VARS2: variants seen among roughly 807,000 people sequenced by gnomAD.
VARS2 encodes the protein valine--tRNA ligase, mitochondrial.
A neutral mutation model predicts 154.1 loss-of-function variants in VARS2; 105 were observed. That is an observed-to-expected ratio of 0.68 (90% CI 0.58 to 0.80). The LOEUF (loss-of-function observed/expected upper bound fraction) is 0.80, where lower values mean the gene tolerates loss of function less well. Among genes scored for constraint, VARS2 ranks in the 30% least tolerant of loss-of-function variants. The pLI is 0.00. For missense variants in VARS2, 1,157 were observed against 1,361.4 expected (o/e 0.85, Z 2.36); for synonymous variants, 483 against 539.5 (o/e 0.90, Z 1.45).
At position 30,922,560 on chromosome 6, in the gene VARS2, G is replaced by A. The variant is rs1794590645; in HGVS notation, c.2037+6G>A. On this transcript the variant is annotated splice_donor_region_variant and intron_variant, in intron 21 of 29. Transcript: ENST00000676266. ...TCAGTGGGGTGGAGATGCAGGTGAG[G>A]ACGAAGCACCCACTAGAGGGACAAG... 14 of 1,558,264 alleles carry A rather than the reference G, an allele frequency of 9.0e-6. No individual in the cohort carries two copies. The highest frequency in any genetic ancestry group is 1.2e-5 in the Non-Finnish European group (14 of 1,152,300).
At chr6:30,925,191 A>G in intron 26 of VARS2, 83 bp from the exon 27 acceptor site, 1 of 950,154 alleles carries the variant, frequency 1.1e-6, no homozygotes. Context: ...GATGGGGTGG[A>G]TGGGTCGAGA....
Position 30,914,950 on chromosome 6 carries a change from C to T in VARS2, c.114C>T (p.Pro38=). ...CACAGTCGGAGCCCCATGGATCTCC[C>T]ATCTCCCGGAGGAACCGTGAAGCCA... ...VSTQSEPHGS[P]ISRRNREAKQ... Residue 38 remains proline, a synonymous_variant, in exon 2 of 30, where the codon CCC becomes CCT. Coordinates refer to ENST00000676266, the MANE Select transcript of VARS2 (RefSeq NM_020442.6). 2 of 1,613,092 alleles carry T rather than the reference C, an allele frequency of 1.2e-6. No homozygotes were observed. The highest frequency in any genetic ancestry group is 1.7e-6 in the Non-Finnish European group (2 of 1,180,038).
At chr6:30,924,295 C>T in intron 25 of VARS2, 59 bp from the exon 26 acceptor site, 3 of 1,579,570 alleles carry the variant, frequency 1.9e-6, no homozygotes, top group Non-Finnish European at 2.6e-6. Context: ...GTAGCAGTGG[C>T]TGTAGGGAGG....
intron 25 of VARS2, chr6:30,923,837 C>A (rs978728110): frequency 1.1e-4 from 44 of 413,730 alleles, no homozygotes; most frequent in African/African-American, 6.4e-4. Flanking sequence ...CTGAGAGAGG[C>A]CTGGGAGGGA....
rs992852535 is a variant in VARS2 at position 30,922,367 on chromosome 6, C to G, written c.1933-83C>G. 3 of 1,604,372 alleles carry G rather than the reference C, an allele frequency of 1.9e-6. No homozygotes were observed. In the African/African-American group the frequency reaches 4.0e-5, roughly 21 times the overall value. On this transcript the variant is annotated intron_variant, in intron 20 of 29. Transcript: ENST00000676266. ...TTCCTTTTTCCTAATTCACTTCCTA[C>G]CCTACCCCCAAAAGTATGGAGGCCA...
Position 30,923,339 on chromosome 6 carries a change from C to T in VARS2, c.2314-14C>T, listed in dbSNP as rs750447916. On this transcript the variant is annotated splice_polypyrimidine_tract_variant and intron_variant, in intron 24 of 29. Coordinates refer to ENST00000676266, the MANE Select transcript of VARS2 (RefSeq NM_020442.6). ...GGAGGGGGAGTCAGGCCATCCTGCC[C>T]CCTCTGCCTGCAGCTGTCTCCCTCC... 6.2e-7 allele frequency: 1 copy of T among 1,607,838 alleles called. No individual in the cohort carries two copies. Among genetic ancestry groups the T allele is most frequent in the South Asian group, 1.1e-5 (1 of 90,894 alleles).
At chr6:30,925,195 G>A in intron 26 of VARS2, 79 bp from the exon 27 acceptor site, 1 of 1,057,452 alleles carries the variant, frequency 9.5e-7, no homozygotes, top group South Asian at 1.5e-5. Flanking sequence ...GGGTGGATGG[G>A]TCGAGAAGAG....
Position 30,920,617 on chromosome 6 carries a change from G to A in VARS2, c.1398-51G>A. 4.1e-6 allele frequency: 6 copies of A among 1,461,856 alleles called. No individual in the cohort carries two copies. Among genetic ancestry groups the A allele is most frequent in the Non-Finnish European group, 5.5e-6 (6 of 1,085,988 alleles). 90.6% of individuals were successfully genotyped at this position (1,461,856 alleles called of 1,614,324 possible). ...ATGGCATGGGGTCTTGTGCCCCTGG[G>A]AGAAGTCACAGGGCCGGAAGAGCAG... On this transcript the variant is annotated intron_variant, in intron 14 of 29. Coordinates refer to ENST00000676266, the MANE Select transcript of VARS2 (RefSeq NM_020442.6). This position sits in a 1 kb window ranked among gnomAD's most constrained non-coding sequence, Gnocchi z 4.6.
chr6:30,916,513 T>C lies in VARS2; in HGVS notation c.671+264T>C, dbSNP rs995349052. On this transcript the variant is annotated intron_variant, in intron 7 of 29. Transcript: ENST00000676266. The surrounding 1 kb of genome is among the most constrained non-coding windows in gnomAD (Gnocchi z 4.0). The stretch of plus-strand genomic sequence containing the variant: ...ATATATATATTTTCTTTCTCTTTAC[T>C]TACCCCAATTTCTCTTGTCTAAATC... 1.2e-5 allele frequency: 4 copies of C among 329,024 alleles called. No homozygotes were observed. The highest frequency in any genetic ancestry group is 2.1e-5 in the Non-Finnish European group (4 of 188,088). 20.4% of individuals were successfully genotyped at this position (329,024 alleles called of 1,614,324 possible).
rs1184471489 is a variant in VARS2, at chr6:30,916,337, T to G, written c.671+88T>G. The stretch of plus-strand genomic sequence containing the variant: ...ACTATCACTCCTGACTTGTAATCCT[T>G]GGCTCTTCCCGACACAGCTCTGACT... On this transcript the variant is annotated intron_variant, in intron 7 of 29. Transcript: ENST00000676266. The surrounding 1 kb of genome is among the most constrained non-coding windows in gnomAD (Gnocchi z 4.0). The G allele has an allele frequency of 1.9e-5, 22 of 1,150,326 alleles. No homozygotes were observed. In the South Asian group the frequency reaches 3.5e-4, roughly 18 times the overall value. The allele number at this position is 1,150,326 out of a possible 1,614,324, so 71.3% of individuals were successfully genotyped here.
chr6:30,916,309 A>G lies in VARS2; in HGVS notation c.671+60A>G. On this transcript the variant is annotated intron_variant, in intron 7 of 29. Coordinates refer to ENST00000676266, the MANE Select transcript of VARS2 (RefSeq NM_020442.6). The surrounding 1 kb of genome is among the most constrained non-coding windows in gnomAD (Gnocchi z 4.0). Reference sequence around the variant, plus strand: ...TGGCAGATTTGGTTTCTTGCCTCCCACCACTATCACTCCTGACTTGTAATC... The same window carrying G: ...TGGCAGATTTGGTTTCTTGCCTCCCGCCACTATCACTCCTGACTTGTAATC... The G allele has an allele frequency of 7.3e-7, 1 of 1,378,330 alleles. No individual in the cohort carries two copies. The highest frequency in any genetic ancestry group is 1.0e-6 in the Non-Finnish European group (1 of 998,758). 85.4% of individuals were successfully genotyped at this position (1,378,330 alleles called of 1,614,324 possible).
chr6:30,915,286 A>G, intron 3 of VARS2, 49 bp downstream of exon 3: 2 of 1,612,748 alleles, frequency 1.2e-6, no homozygotes, highest in Non-Finnish European at 1.7e-6. Flanking sequence ...TGTGTTGCCC[A>G]TTTGGCCTGC....
In VARS2 at chr6:30,920,311, A is replaced by C; in HGVS notation, c.1294-22A>C. On this transcript the variant is annotated intron_variant, in intron 13 of 29. Coordinates refer to ENST00000676266, the MANE Select transcript of VARS2 (RefSeq NM_020442.6). The surrounding 1 kb of genome is among the most constrained non-coding windows in gnomAD (Gnocchi z 4.6). Reference sequence around the variant, plus strand: ...ATTTCTCTAGAGGCCTTCAGTCTTTACTCTTGCCGCTTTTTCTCCAGGGTC... The same window carrying C: ...ATTTCTCTAGAGGCCTTCAGTCTTTCCTCTTGCCGCTTTTTCTCCAGGGTC... The C allele has an allele frequency of 6.3e-7, 1 of 1,597,820 alleles. No individual in the cohort carries two copies. The highest frequency in any genetic ancestry group is 8.5e-7 in the Non-Finnish European group (1 of 1,173,918).
chr6:30,923,312 G>A (rs1391617057), intron 24 of VARS2, 41 bp from the exon 25 acceptor site: 1 of 1,606,242 alleles, frequency 6.2e-7, no homozygotes, highest in Non-Finnish European at 8.5e-7. Context: ...AAAGGAGGCA[G>A]GGGAGGGGGA....
Position 30,921,139 on chromosome 6 carries a change from T to TGGGTAAGGGTA in VARS2, c.1556+8_1556+18dup, listed in dbSNP as rs778659404. ...ACTGGCAGCACTGGTTTTCCCATAT[T>TGGGTAAGGGTA]GGGTAAGGGTAGGGTAAGGGGAGCT... On this transcript the variant is annotated stop_gained and frameshift_variant and splice_region_variant, in exon 16 of 30. Coordinates refer to ENST00000676266, the MANE Select transcript of VARS2 (RefSeq NM_020442.6). LOFTEE classifies it high-confidence loss of function. The surrounding 1 kb of genome is among the most constrained non-coding windows in gnomAD (Gnocchi z 4.6). 25 of 1,613,700 alleles carry TGGGTAAGGGTA rather than the reference T, an allele frequency of 1.5e-5. No homozygotes were observed. The African/African-American group carries it at 3.2e-4, about 21-fold the overall frequency.
chr6:30,924,611 C>T (rs1223620022), intron 26 of VARS2, 51 bp downstream of exon 26: 2 of 984,258 alleles, frequency 2.0e-6, no homozygotes, highest in African/African-American at 1.6e-5. Flanking sequence ...GGGGGGAGCA[C>T]CTTCTGAAGG....
Position 30,916,589 on chromosome 6 carries a change from C to T in VARS2, c.672-289C>T. 1 of 481,286 alleles carries T rather than the reference C, an allele frequency of 2.1e-6. No homozygotes were observed. The highest frequency in any genetic ancestry group is 3.6e-6 in the Non-Finnish European group (1 of 275,100). The allele number at this position is 481,286 out of a possible 1,614,324, so 29.8% of individuals were successfully genotyped here. On this transcript the variant is annotated intron_variant, in intron 7 of 29. Transcript: ENST00000676266. The surrounding 1 kb of genome is among the most constrained non-coding windows in gnomAD (Gnocchi z 4.0). ...CACCTTTCAATTCCCATGGAATTAC[C>T]CTCATTCTTCTGGGTCTGTTATCTC...
intron 4 of VARS2, 34 bp from the exon 5 acceptor site, chr6:30,915,712 T>C: frequency 6.2e-7 from 1 of 1,609,458 alleles, no homozygotes; most frequent in Non-Finnish European, 8.5e-7. Context: ...AATCCAATTC[T>C]CTCTTGCCCC....
Position 30,922,433 on chromosome 6 carries a change from C to T in VARS2, c.1933-17C>T. On this transcript the variant is annotated splice_polypyrimidine_tract_variant and intron_variant, in intron 20 of 29. Coordinates refer to ENST00000676266, the MANE Select transcript of VARS2 (RefSeq NM_020442.6). ...CTCCAAGGAAACCCCCCTCTGTTGA[C>T]CCCTCCCTGCCCCCAGGTGCTTCTT... is the stretch of plus-strand genomic sequence containing the variant. 6.2e-7 allele frequency: 1 copy of T among 1,608,158 alleles called. No homozygotes were observed. Among genetic ancestry groups the T allele is most frequent in the Non-Finnish European group, 8.5e-7 (1 of 1,177,706 alleles).
Sources: gnomAD v4.1 joint callset for allele counts on GRCh38, gnomAD v4.1.1 for gene constraint, Gnocchi (gnomAD v3.1) non-coding constraint, MANE v1.5 for transcripts, NCBI Gene and HGNC (gene_info 2026-07-23, HGNC 2026-07-21) for gene names.